LYN: variants seen among roughly 807,000 people sequenced by gnomAD.
LYN encodes the protein tyrosine-protein kinase Lyn.
Under a neutral mutation model 65.0 loss-of-function variants are expected in LYN, and 12 were observed. That is an observed-to-expected ratio of 0.18 (90% CI 0.12 to 0.30). The LOEUF is 0.30. Among genes scored for constraint, LYN ranks in the 10% least tolerant of loss-of-function variants. LYN has a pLI of 1.00. For synonymous variants in LYN, 222 were observed against 221.2 expected (o/e 1.00, Z -0.03); for missense variants, 380 against 623.2 (o/e 0.61, Z 4.16).
intron 1 of LYN, among the ~76,000 whole-genome samples, chr8:55,924,612 C>A (rs549703253): frequency 6.6e-6 from 1 of 152,072 alleles, no homozygotes; most frequent in South Asian, 2.1e-4. Flanking sequence ...AATCCACCCC[C>A]CTTGGCCTCC....
intron 10 of LYN, among the ~76,000 whole-genome samples, chr8:55,981,077 T>C (rs1807904430): frequency 6.6e-6 from 1 of 151,946 alleles, no homozygotes; most frequent in South Asian, 2.1e-4. Context: ...CACCTGTGCA[T>C]GTGACTGATT....
At chr8:55,953,369 C>T (rs1295572780) in intron 7 of LYN, among the ~76,000 whole-genome samples, 5 of 152,026 alleles carry the variant, frequency 3.3e-5, no homozygotes, top group African/African-American at 9.7e-5. Flanking sequence ...AATTTCAGGC[C>T]GGGCTTGGTG....
intron 8 of LYN, among the ~76,000 whole-genome samples, chr8:55,962,237 G>A (rs1807306351): frequency 6.6e-6 from 1 of 152,130 alleles, no homozygotes; most frequent in Non-Finnish European, 1.5e-5. Flanking sequence ...CCATGCTTTT[G>A]GGTGTGGCTA....
chr8:55,929,837 G>T (rs1806209186), intron 1 of LYN, among the ~76,000 whole-genome samples: 1 of 152,286 alleles, frequency 6.6e-6, no homozygotes, highest in East Asian at 1.9e-4. Context: ...TTATATCCAT[G>T]GATATGTTTT....
intron 10 of LYN, among the ~76,000 whole-genome samples, chr8:55,992,121 G>A (rs1010598665): frequency 6.6e-5 from 10 of 152,150 alleles, no homozygotes; most frequent in South Asian, 4.1e-4. Context: ...CTTTGGTGTC[G>A]GCAGGTGGTT....
intron 1 of LYN, among the ~76,000 whole-genome samples, chr8:55,940,882 C>A (rs1430812083): frequency 1.3e-5 from 2 of 152,186 alleles, no homozygotes; most frequent in Non-Finnish European, 2.9e-5. Context: ...CCCTTCTTGC[C>A]ATGGTGGCTT....
intron 10 of LYN, among the ~76,000 whole-genome samples, chr8:55,991,663 C>T (rs1218789900): frequency 6.6e-6 from 1 of 152,094 alleles, no homozygotes; most frequent in Non-Finnish European, 1.5e-5. Flanking sequence ...GCAGTGGGCT[C>T]AGCATGGTCT....
chr8:55,984,075 G>A (rs1318825742), intron 10 of LYN, among the ~76,000 whole-genome samples: 1 of 152,028 alleles, frequency 6.6e-6, no homozygotes, highest in Admixed American at 6.5e-5. Context: ...CTGTCTTCCG[G>A]TGGCCTCTGA....
At chr8:55,928,416 G>A (rs1051260807) in intron 1 of LYN, among the ~76,000 whole-genome samples, 3 of 152,214 alleles carry the variant, frequency 2.0e-5, no homozygotes, top group Admixed American at 2.0e-4. Context: ...AAAGTGCTGG[G>A]ATTACAGTCA....
chr8:56,008,041 C>T (rs963374349), intron 12 of LYN, among the ~76,000 whole-genome samples: 1 of 151,396 alleles, frequency 6.6e-6, no homozygotes, highest in African/African-American at 2.4e-5. Flanking sequence ...ATCGCTTGAA[C>T]CTGGGAGGCG....
intron 8 of LYN, among the ~76,000 whole-genome samples, chr8:55,964,530 G>A (rs1325602351): frequency 2.6e-5 from 4 of 152,158 alleles, no homozygotes; most frequent in African/African-American, 7.2e-5. Context: ...GGAAATAGAT[G>A]TATAATACAT....
chr8:55,967,513 G>C (rs547222139), intron 9 of LYN, among the ~76,000 whole-genome samples: 2 of 151,498 alleles, frequency 1.3e-5, no homozygotes, highest in African/African-American at 4.8e-5. Context: ...ATGGGGTTTC[G>C]CCATGTTGGC....
In LYN at chr8:56,011,754, C is replaced by A. The variant is rs1452281269; in HGVS notation, c.*1644C>A. Reference sequence around the variant, plus strand: ...TTTTAAATGTCCTTTCTAAAATATTCTAAAATTATTGATTCACAAGTGCCA... The same window carrying A: ...TTTTAAATGTCCTTTCTAAAATATTATAAAATTATTGATTCACAAGTGCCA... On this transcript the variant is annotated 3_prime_UTR_variant, in exon 13 of 13. Coordinates refer to ENST00000519728, the MANE Select transcript of LYN (RefSeq NM_002350.4). The A allele has an allele frequency of 5.4e-6, 1 of 185,950 alleles. No homozygotes were observed. The highest frequency in any genetic ancestry group is 1.1e-5 in the Non-Finnish European group (1 of 88,136). 11.5% of individuals were successfully genotyped at this position (185,950 alleles called of 1,614,324 possible).
At chr8:55,990,258 A>AC (rs1403698888) in intron 10 of LYN, among the ~76,000 whole-genome samples, 11 of 151,546 alleles carry the variant, frequency 7.3e-5, no homozygotes, top group Non-Finnish European at 1.5e-4. Flanking sequence ...AAAAAAAAAA[A>AC]AAAAAGTCCT....
At chr8:55,954,058 G>A (rs886988401) in intron 8 of LYN, 74 bp downstream of exon 8, 27 of 1,503,726 alleles carry the variant, frequency 1.8e-5, no homozygotes, top group Admixed American at 7.4e-5. Flanking sequence ...AGCCAATTTC[G>A]ATCAGCTTCT....
intron 8 of LYN, among the ~76,000 whole-genome samples, chr8:55,957,126 T>A (rs556322836): frequency 6.6e-6 from 1 of 152,314 alleles, no homozygotes; most frequent in South Asian, 2.1e-4. Context: ...GCTACACTAT[T>A]TCTAAGCTAA....
intron 1 of LYN, among the ~76,000 whole-genome samples, chr8:55,928,374 G>A (rs537533597): frequency 2.6e-5 from 4 of 152,302 alleles, no homozygotes; most frequent in African/African-American, 7.2e-5. Flanking sequence ...TCCAACTCCT[G>A]ACCTCAGGTG....
At chr8:55,884,153 G>A (rs192628435) in intron 1 of LYN, among the ~76,000 whole-genome samples, 3 of 152,312 alleles carry the variant, frequency 2.0e-5, no homozygotes, top group Admixed American at 6.5e-5. Flanking sequence ...AGCCTGGAGT[G>A]CAGTGGTGCA....
intron 10 of LYN, among the ~76,000 whole-genome samples, chr8:55,971,289 A>G (rs1210053693): frequency 1.3e-5 from 2 of 152,188 alleles, no homozygotes; most frequent in African/African-American, 4.8e-5. Context: ...GGTTTCCAGA[A>G]CTATAGTTTG....
Sources: gnomAD v4.1 joint callset for allele counts (sites outside exome capture counted in the v4.1 genomes callset) on GRCh38, gnomAD v4.1.1 for gene constraint, MANE v1.5 for transcripts, NCBI Gene and HGNC (gene_info 2026-07-23, HGNC 2026-07-21) for gene names.